Variants in EDNRB observed in about 807,000 individuals in gnomAD.
The protein encoded by EDNRB is Hirschsprung disease 2.
A neutral mutation model predicts 46.4 loss-of-function variants in EDNRB; 18 were observed. That is an observed-to-expected ratio of 0.39 (90% CI 0.27 to 0.57). EDNRB has a LOEUF of 0.57. EDNRB is among the 20% of genes least tolerant of loss of function. The pLI, the probability that EDNRB is intolerant of heterozygous loss-of-function variation, is 0.61. For synonymous variants in EDNRB, 213 were observed against 204.9 expected (o/e 1.04, Z -0.34); for missense variants, 434 against 537.5 (o/e 0.81, Z 1.90).
In EDNRB at chr13:77,907,754, G is replaced by C. The variant is rs145536732; in HGVS notation, c.484-4147C>G. Among the ~76,000 whole-genome samples, 573 of 151,938 alleles carry C rather than the reference G, an allele frequency of 3.8e-3. 4 individuals are homozygous for C. The highest frequency in any genetic ancestry group is 0.013 in the African/African-American group (528 of 41,464). On this transcript the variant is annotated intron_variant, in intron 1 of 6. Transcript: ENST00000646607. The stretch of plus-strand genomic sequence containing the variant: ...AGACCATTGAAGGGAAAGAAGTCTG[G>C]CTGATGAAAATGAGCTCTGCACTGA...
intron 1 of EDNRB, among the ~76,000 whole-genome samples, chr13:77,970,079 C>A (rs891483375): frequency 3.3e-5 from 5 of 152,152 alleles, no homozygotes; most frequent in Admixed American, 3.3e-4. Flanking sequence ...CCAGTGTCTG[C>A]ATTTTCTACT....
At chr13:77,967,651 G>A (rs994005879) in intron 1 of EDNRB, among the ~76,000 whole-genome samples, 2 of 152,108 alleles carry the variant, frequency 1.3e-5, no homozygotes, top group Admixed American at 1.3e-4. Flanking sequence ...GAGAATTATG[G>A]TTACAATATA....
At chr13:77,965,918 C>T (rs1417976678) in intron 1 of EDNRB, among the ~76,000 whole-genome samples, 1 of 151,918 alleles carries the variant, frequency 6.6e-6, no homozygotes, top group South Asian at 2.1e-4. Flanking sequence ...GCTCTGTCAC[C>T]CAGGCTGGAG....
At chr13:77,954,508 A>T (rs1464511586) in intron 1 of EDNRB, among the ~76,000 whole-genome samples, 1 of 146,842 alleles carries the variant, frequency 6.8e-6, no homozygotes, top group Non-Finnish European at 1.5e-5. Flanking sequence ...TTATTTATTT[A>T]TTTATTTATT....
chr13:77,899,858 C>G lies in EDNRB; in HGVS notation c.1194+1G>C, dbSNP rs1308510231. 5 of 1,610,196 alleles carry G rather than the reference C, an allele frequency of 3.1e-6. No homozygotes were observed. Among genetic ancestry groups the G allele is most frequent in the Non-Finnish European group, 4.2e-6 (5 of 1,177,536 alleles). On this transcript the variant is annotated splice_donor_variant, in intron 6 of 6. Transcript: ENST00000646607. LOFTEE classifies it high-confidence loss of function. Reference sequence around the variant, plus strand: ...CTTTTTATTTTGGGATAGTCTCTTACCTTAAAGCAGTTTTTGAATCTTTTG... The same window carrying G: ...CTTTTTATTTTGGGATAGTCTCTTAGCTTAAAGCAGTTTTTGAATCTTTTG...
chr13:77,944,503 C>A (rs941210112), intron 1 of EDNRB, among the ~76,000 whole-genome samples: 1 of 151,754 alleles, frequency 6.6e-6, no homozygotes, highest in African/African-American at 2.4e-5. Context: ...CATGTATAAG[C>A]TACAGCCTAA....
intron 1 of EDNRB, among the ~76,000 whole-genome samples, chr13:77,932,341 G>A (rs1323211149): frequency 6.6e-6 from 1 of 152,154 alleles, no homozygotes; most frequent in African/African-American, 2.4e-5. Flanking sequence ...GAAAAGATAT[G>A]GGAAATACCC....
chr13:77,962,525 G>A (rs970597412), intron 1 of EDNRB, among the ~76,000 whole-genome samples: 2 of 152,116 alleles, frequency 1.3e-5, no homozygotes, highest in Non-Finnish European at 2.9e-5. Flanking sequence ...AAAACCACAT[G>A]ATTATCACAA....
At chr13:77,914,850 T>A (rs775807822) in intron 1 of EDNRB, among the ~76,000 whole-genome samples, 11 of 152,232 alleles carry the variant, frequency 7.2e-5, no homozygotes, top group Non-Finnish European at 1.6e-4. Flanking sequence ...CATTTTGTGA[T>A]TTGTCAACTT....
intron 1 of EDNRB, among the ~76,000 whole-genome samples, chr13:77,946,144 G>C (rs1172383132): frequency 6.6e-6 from 1 of 152,146 alleles, no homozygotes; most frequent in Non-Finnish European, 1.5e-5. Flanking sequence ...ACCACAGAAA[G>C]TAAATTCAGA....
intron 1 of EDNRB, among the ~76,000 whole-genome samples, chr13:77,966,115 A>G (rs977604526): frequency 6.6e-6 from 1 of 152,032 alleles, no homozygotes; most frequent in Non-Finnish European, 1.5e-5. Flanking sequence ...TCTTGAATTC[A>G]TGGGCTCAAG....
Position 77,960,334 on chromosome 13 carries a change from A to G in EDNRB, c.-52+15013T>C, listed in dbSNP as rs938133483. The stretch of plus-strand genomic sequence containing the variant: ...GGAAAGCCCATCAGACTAACAGCAG[A>G]TGTCTCGGCAGAAACTCTATAAGCC... On this transcript the variant is annotated intron_variant, in intron 1 of 7. Coordinates refer to the EDNRB transcript ENST00000646948. 3.3e-5 allele frequency among the ~76,000 whole-genome samples: 5 copies of G among 152,206 alleles called. No individual in the cohort carries two copies. In the East Asian group the frequency reaches 5.8e-4, roughly 18 times the overall value.
intron 1 of EDNRB, among the ~76,000 whole-genome samples, chr13:77,968,853 C>A (rs531558945): frequency 1.3e-5 from 2 of 152,156 alleles, no homozygotes; most frequent in South Asian, 4.1e-4. Flanking sequence ...TAAGTTAGGC[C>A]GTTTGAGAAA....
upstream of EDNRB, chr13:77,919,119 G>A: frequency 2.0e-6 from 1 of 493,874 alleles, no homozygotes. Flanking sequence ...GCTACTCCCT[G>A]GCTGGCTGAG....
chr13:77,928,044 C>A (rs1880288772), intron 1 of EDNRB, among the ~76,000 whole-genome samples: 1 of 152,162 alleles, frequency 6.6e-6, no homozygotes, highest in African/African-American at 2.4e-5. Context: ...GTGAGGCTTC[C>A]CCAGCCATGT....
intron 1 of EDNRB, among the ~76,000 whole-genome samples, chr13:77,916,098 C>G (rs970787198): frequency 6.6e-6 from 1 of 152,212 alleles, no homozygotes; most frequent in Admixed American, 6.5e-5. Context: ...TTCTACACAG[C>G]ACTTCAGCTA....
At chr13:77,973,937 CTTT>C (rs56943468) in intron 1 of EDNRB, among the ~76,000 whole-genome samples, 2 of 143,384 alleles carry the variant, frequency 1.4e-5, no homozygotes, top group African/African-American at 2.6e-5. Context: ...CCCTTTTTTC[CTTT>C]TTTTTTTTTT....
rs199934206 is a variant in EDNRB, at chr13:77,897,942, A to C, written c.*258T>G. 6.4e-6 allele frequency: 8 copies of C among 1,242,388 alleles called. No homozygotes were observed. The highest frequency in any genetic ancestry group is 8.1e-6 in the Non-Finnish European group (8 of 982,378). The allele number at this position is 1,242,388 out of a possible 1,614,324, so 77.0% of individuals were successfully genotyped here. On this transcript the variant is annotated 3_prime_UTR_variant, in exon 7 of 7. Transcript: ENST00000646607. ...AATATCCTGGAAGTTGTTAAGAGCT[A>C]TGTTGAAGTGCTAACTGTAAAAAAT...
intron 1 of EDNRB, among the ~76,000 whole-genome samples, chr13:77,936,023 G>T (rs1054748242): frequency 6.6e-6 from 1 of 152,204 alleles, no homozygotes; most frequent in African/African-American, 2.4e-5. Flanking sequence ...TATAACAGGT[G>T]AGTGATAACA....
Sources: gnomAD v4.1 joint callset for allele counts (sites outside exome capture counted in the v4.1 genomes callset) on GRCh38, gnomAD v4.1.1 for gene constraint, MANE v1.5 for transcripts, NCBI Gene and HGNC (gene_info 2026-07-23, HGNC 2026-07-21) for gene names.